MRTFA: variants seen among roughly 807,000 people sequenced by gnomAD.
MRTFA encodes myocardin-related transcription factor A.
A neutral mutation model predicts 83.5 loss-of-function variants in MRTFA; 20 were observed. The observed-to-expected ratio is 0.24, with a 90% CI of 0.17 to 0.35. The LOEUF is 0.35. Among genes scored for constraint, MRTFA ranks in the 10% least tolerant of loss-of-function variants. The pLI, the probability that MRTFA is intolerant of heterozygous loss-of-function variation, is 1.00. For missense variants in MRTFA, 1,200 were observed against 1,224.7 expected (o/e 0.98, Z 0.30); for synonymous variants, 659 against 541.2 (o/e 1.22, Z -3.02).
chr22:40,437,405 C>T (rs546250897), intron 4 of MRTFA, among the ~76,000 whole-genome samples: 1 of 152,204 alleles, frequency 6.6e-6, no homozygotes, highest in Non-Finnish European at 1.5e-5. Context: ...CCCACCCCAG[C>T]TTCCTTTTCT....
chr22:40,424,766 G>A (rs1031169383), intron 7 of MRTFA, among the ~76,000 whole-genome samples: 12 of 152,148 alleles, frequency 7.9e-5, no homozygotes, highest in African/African-American at 2.4e-4. Flanking sequence ...ATTGTTAAAG[G>A]TACTCTGTAT....
intron 13 of MRTFA, 32 bp from the exon 14 acceptor site, chr22:40,417,078 A>G: frequency 3.2e-6 from 5 of 1,553,078 alleles, no homozygotes; most frequent in Non-Finnish European, 4.4e-6. Context: ...AAAAAGAGAT[A>G]AAAATCTTGA....
chr22:40,552,755 G>A (rs747353252), intron 2 of MRTFA, among the ~76,000 whole-genome samples: 14 of 152,172 alleles, frequency 9.2e-5, no homozygotes, highest in African/African-American at 1.7e-4. Context: ...TTATAGCAAC[G>A]TGAGAACAGA....
intron 3 of MRTFA, among the ~76,000 whole-genome samples, chr22:40,470,361 C>T (rs2053888590): frequency 6.9e-6 from 1 of 144,280 alleles, no homozygotes; most frequent in South Asian, 2.2e-4. Context: ...CTTAAACAGC[C>T]AATGGGTCAA....
At chr22:40,587,975 G>T in intron 2 of MRTFA, 1 of 281,908 alleles carries the variant, frequency 3.5e-6, no homozygotes. Flanking sequence ...AGAGTACACT[G>T]ATAACAGTGG....
chr22:40,581,840 A>G (rs2055951557), intron 2 of MRTFA, among the ~76,000 whole-genome samples: 2 of 152,204 alleles, frequency 1.3e-5, no homozygotes, highest in African/African-American at 4.8e-5. Context: ...AATTTCATAT[A>G]GCTCTACTCA....
intron 3 of MRTFA, among the ~76,000 whole-genome samples, chr22:40,470,617 G>GA (rs1244056317): frequency 2.0e-5 from 3 of 151,816 alleles, no homozygotes; most frequent in Non-Finnish European, 4.4e-5. Flanking sequence ...ATGGTAAGTA[G>GA]AAAAAAGGAA....
At position 40,418,491 on chromosome 22, in the gene MRTFA, G is replaced by A. The variant is rs772508443; in HGVS notation, c.2247C>T (p.Leu749=). ...GGGTGGGAGGTGCAACCCCCTTGAT[G>A]AGGCTGGGGCCCTGAGGCCCCAGAA... Residue 749 remains leucine, a synonymous_variant, in exon 12 of 15, where the codon CTC becomes CTT. Transcript: ENST00000355630. The A allele has an allele frequency of 3.7e-6, 6 of 1,611,724 alleles. No individual in the cohort carries two copies. Among genetic ancestry groups the A allele is most frequent in the Non-Finnish European group, 4.2e-6 (5 of 1,179,040 alleles).
Position 40,489,871 on chromosome 22 carries a change from C to A in MRTFA, c.242-26585G>T, listed in dbSNP as rs144084989. On this transcript the variant is annotated intron_variant, in intron 3 of 14. Coordinates refer to ENST00000355630, the MANE Select transcript of MRTFA (RefSeq NM_020831.6). ...GCGAGCACCTGTAATCCCTGCTACT[C>A]GGGAGGCTGAGGCAAGAGAATCGCT... Among the ~76,000 whole-genome samples, 5 of 146,064 alleles carry A rather than the reference C, an allele frequency of 3.4e-5. No homozygotes were observed. The Admixed American group carries it at 3.6e-4, about 10-fold the overall frequency.
chr22:40,521,006 A>G lies in MRTFA; in HGVS notation c.241+31100T>C, dbSNP rs2054856778. Among the ~76,000 whole-genome samples, 3 of 151,958 alleles carry G rather than the reference A, an allele frequency of 2.0e-5. No homozygotes were observed. In the South Asian group the frequency reaches 6.2e-4, roughly 31 times the overall value. On this transcript the variant is annotated intron_variant, in intron 3 of 14. Coordinates refer to ENST00000355630, the MANE Select transcript of MRTFA (RefSeq NM_020831.6). ...TAGTTTTTAAACTTTTCATTCTGAG[A>G]TAATTATAGATTCACATAATAAGAA...
chr22:40,579,333 G>A (rs1342786104), intron 2 of MRTFA, among the ~76,000 whole-genome samples: 1 of 152,110 alleles, frequency 6.6e-6, no homozygotes, highest in Non-Finnish European at 1.5e-5. Flanking sequence ...CAAGAAGCTT[G>A]TCAAAAGCAT....
At chr22:40,568,500 C>G (rs2055738000) in intron 2 of MRTFA, among the ~76,000 whole-genome samples, 1 of 152,200 alleles carries the variant, frequency 6.6e-6, no homozygotes, top group African/African-American at 2.4e-5. Context: ...TTCAAAGCCT[C>G]TTGCTTCAAA....
intron 9 of MRTFA, among the ~76,000 whole-genome samples, 197 bp from the exon 10 acceptor site, chr22:40,421,297 T>A (rs1037074859): frequency 3.3e-5 from 5 of 152,062 alleles, no homozygotes; most frequent in Non-Finnish European, 7.4e-5. Context: ...GGAAAGGGGC[T>A]GGAGTGACAA....
chr22:40,419,526 G>GC (rs1470106536), intron 11 of MRTFA, 142 bp from the exon 12 acceptor site: 10 of 708,966 alleles, frequency 1.4e-5, no homozygotes, highest in African/African-American at 5.4e-5. Flanking sequence ...AGGGTGCAAT[G>GC]CCCCCCACCA....
chr22:40,586,266 C>CA (rs777228122), intron 2 of MRTFA, among the ~76,000 whole-genome samples: 2,677 of 98,454 alleles, frequency 0.027, 51 homozygotes, highest in Middle Eastern at 0.12. Flanking sequence ...ATTTGCTCTT[C>CA]AAAAAAAAAA....
intron 2 of MRTFA, among the ~76,000 whole-genome samples, chr22:40,563,645 T>C (rs1419387047): frequency 6.6e-6 from 1 of 152,124 alleles, no homozygotes; most frequent in East Asian, 1.9e-4. Context: ...GGAGGATCCC[T>C]TGAGCCCAGG....
At chr22:40,542,773 T>G (rs1268389729) in intron 3 of MRTFA, among the ~76,000 whole-genome samples, 1 of 152,208 alleles carries the variant, frequency 6.6e-6, no homozygotes, top group Non-Finnish European at 1.5e-5. Context: ...AAAGGCTACT[T>G]ATAAAAATAT....
chr22:40,593,074 C>CT (rs2147381029), intron 2 of MRTFA, among the ~76,000 whole-genome samples: 1 of 152,180 alleles, frequency 6.6e-6, no homozygotes, highest in East Asian at 1.9e-4. Flanking sequence ...TCAGCAAATC[C>CT]TAGGTCAAGA....
At chr22:40,449,198 C>T (rs1015407825) in intron 4 of MRTFA, among the ~76,000 whole-genome samples, 8 of 147,960 alleles carry the variant, frequency 5.4e-5, no homozygotes, top group Non-Finnish European at 1.2e-4. Flanking sequence ...ACCCAGGAGG[C>T]GGAGCTTGTA....
Sources: allele counts gnomAD v4.1 joint callset (sites outside exome capture counted in the v4.1 genomes callset), GRCh38; gene constraint gnomAD v4.1.1; transcripts MANE v1.5; gene names NCBI Gene and HGNC (gene_info 2026-07-23, HGNC 2026-07-21).